Variants in CHD5 observed in about 807,000 individuals in gnomAD.
The protein encoded by CHD5 is ATP-dependent chromatin remodeler CHD5.
CHD5 carries 69 observed loss-of-function variants against 230.3 expected under a neutral mutation model. The observed-to-expected ratio is 0.30, with a 90% confidence interval of 0.25 to 0.37. The LOEUF is 0.37. Among genes scored for constraint, CHD5 ranks in the 10% least tolerant of loss-of-function variants. CHD5 has a pLI of 1.00. For synonymous variants in CHD5, 1,064 were observed against 1,065.9 expected (o/e 1.00, Z 0.03); for missense variants, 1,827 against 2,622.8 (o/e 0.70, Z 6.63).
intron 7 of CHD5, among the ~76,000 whole-genome samples, chr1:6,150,224 AATGG>A (rs1666981286): frequency 1.4e-5 from 2 of 146,298 alleles, no homozygotes; most frequent in African/African-American, 5.2e-5. Flanking sequence ...ATGAATGGAT[AATGG>A]ATGGACAAAT....
intron 3 of CHD5, among the ~76,000 whole-genome samples, chr1:6,158,347 A>G (rs1557558428): frequency 6.6e-6 from 1 of 152,256 alleles, no homozygotes; most frequent in Non-Finnish European, 1.5e-5. Flanking sequence ...CTGCTTGGGC[A>G]GGATTTCAGA....
In CHD5 at chr1:6,154,978, C is replaced by G. The variant is rs1667059055; in HGVS notation, c.507-80G>C. ...ACCCGACCCCCGGCAGGGCCCACCC[C>G]TCTGCCACATGTGCGATCTATGGCA... On this transcript the variant is annotated intron_variant, in intron 4 of 41. Transcript: ENST00000262450. This position sits in a 1 kb window ranked among gnomAD's most constrained non-coding sequence, Gnocchi z 7.0. The G allele has an allele frequency of 1.6e-6, 2 of 1,272,324 alleles. No individual in the cohort carries two copies. The highest frequency in any genetic ancestry group is 3.0e-5 in the African/African-American group (2 of 67,490). 78.8% of individuals were successfully genotyped at this position (1,272,324 alleles called of 1,614,324 possible).
intron 1 of CHD5, among the ~76,000 whole-genome samples, chr1:6,179,525 C>T (rs1667479627): frequency 6.6e-6 from 1 of 151,870 alleles, no homozygotes; most frequent in South Asian, 2.1e-4. Context: ...CGGGTCCCGC[C>T]TGCCCGCAGC....
At chr1:6,141,771 G>A (rs1342008040) in intron 15 of CHD5, among the ~76,000 whole-genome samples, 4 of 152,198 alleles carry the variant, frequency 2.6e-5, no homozygotes, top group African/African-American at 4.8e-5. Context: ...CGCGACAGCT[G>A]TAGGCCAGTG....
intron 33 of CHD5, among the ~76,000 whole-genome samples, chr1:6,120,736 C>T (rs969724920): frequency 6.6e-6 from 1 of 152,074 alleles, no homozygotes; most frequent in African/African-American, 2.4e-5. Flanking sequence ...AATCTCGTCT[C>T]TACTAAAAAT....
In CHD5 at chr1:6,105,708, G is replaced by A. The variant is rs113909809; in HGVS notation, c.*47-281C>T. Among the ~76,000 whole-genome samples, 22 of 152,338 alleles carry A rather than the reference G, an allele frequency of 1.4e-4. No homozygotes were observed. The highest frequency in any genetic ancestry group is 2.1e-4 in the Non-Finnish European group (14 of 68,028). Reference sequence around the variant, plus strand: ...CGGTTCCCACAGGGACAGACACAGCGTAGTGGAGGCTGGTGGCCCCAGAGA... The same window carrying A: ...CGGTTCCCACAGGGACAGACACAGCATAGTGGAGGCTGGTGGCCCCAGAGA... On this transcript the variant is annotated intron_variant, in intron 41 of 41. Transcript: ENST00000262450. This position sits in a 1 kb window ranked among gnomAD's most constrained non-coding sequence, Gnocchi z 4.8.
chr1:6,109,856 G>A lies in CHD5; in HGVS notation c.5517C>T (p.His1839=). Residue 1839 remains histidine, a synonymous_variant, in exon 38 of 42, where the codon CAC becomes CAT. Transcript: ENST00000262450. The stretch of plus-strand genomic sequence containing the variant: ...CAAGGGACTCCTTGGACAGGTGCTG[G>A]TGGCTCTCGGCGAGGCACTCCACTT... ...LAEVECLAES[H]QHLSKESLAG... 1 of 1,612,940 alleles carries A rather than the reference G, an allele frequency of 6.2e-7. No homozygotes were observed. The highest frequency in any genetic ancestry group is 2.2e-5 in the East Asian group (1 of 44,876).
Position 6,131,626 on chromosome 1 carries a change from G to C in CHD5, c.3262+5C>G. On this transcript the variant is annotated splice_donor_5th_base_variant and intron_variant, in intron 21 of 41. Transcript: ENST00000262450. This position sits in a 1 kb window ranked among gnomAD's most constrained non-coding sequence, Gnocchi z 5.0. ...AATCAGAACCCTTGGGCAGGATGGGGGTACCATTGAATCTGTCGATTGCCT... is the reference window on the plus strand; with the variant it reads ...AATCAGAACCCTTGGGCAGGATGGGCGTACCATTGAATCTGTCGATTGCCT... The C allele has an allele frequency of 6.5e-7, 1 of 1,537,786 alleles. No homozygotes were observed.
chr1:6,148,238 C>A (rs1048949088), intron 9 of CHD5, among the ~76,000 whole-genome samples: 1 of 152,146 alleles, frequency 6.6e-6, no homozygotes, highest in African/African-American at 2.4e-5. Context: ...AGCAAGGGGC[C>A]TTCCGATGTC....
Position 6,134,114 on chromosome 1 carries a change from C to A in CHD5, c.3144+14G>T. The A allele has an allele frequency of 1.2e-6, 2 of 1,608,074 alleles. No individual in the cohort carries two copies. The highest frequency in any genetic ancestry group is 1.7e-6 in the Non-Finnish European group (2 of 1,178,166). On this transcript the variant is annotated intron_variant, in intron 20 of 41. Transcript: ENST00000262450. The surrounding 1 kb of genome is among the most constrained non-coding windows in gnomAD (Gnocchi z 6.3). ...GGTGTGGAGCCGGGGCGGGGGTGGG[C>A]AGGGGCAGCGCACCTGGGAGAAGAT...
Position 6,103,850 on chromosome 1 carries a change from G to A in CHD5, c.*1624C>T, listed in dbSNP as rs986718866. ...TATGAGTGAGGCATATAGGGCTTAG[G>A]GAGGGCCAGGCAATCGCTCCAGTGT... On this transcript the variant is annotated 3_prime_UTR_variant, in exon 42 of 42. Transcript: ENST00000262450. The A allele has an allele frequency of 1.3e-5, 2 of 152,198 alleles. No homozygotes were observed. The highest frequency in any genetic ancestry group is 2.4e-5 in the African/African-American group (1 of 41,420). 9.4% of individuals were successfully genotyped at this position (152,198 alleles called of 1,614,324 possible).
In CHD5 at chr1:6,169,546, C is replaced by T. The variant is rs187365625; in HGVS notation, c.80-1269G>A. Among the ~76,000 whole-genome samples, 405 of 152,312 alleles carry T rather than the reference C, an allele frequency of 2.7e-3. 4 individuals carry two copies. Among genetic ancestry groups the T allele is most frequent in the African/African-American group, 9.2e-3 (382 of 41,564 alleles). ...GGGACGGCAGTAGCCTGGGGTCTGA[C>T]GCTCATCTGGGAAATCAGGATAGAG... On this transcript the variant is annotated intron_variant, in intron 1 of 41. Coordinates refer to ENST00000262450, the MANE Select transcript of CHD5 (RefSeq NM_015557.3).
At chr1:6,150,579 T>C (rs529174378) in intron 7 of CHD5, among the ~76,000 whole-genome samples, 1 of 150,848 alleles carries the variant, frequency 6.6e-6, no homozygotes, top group East Asian at 2.0e-4. Flanking sequence ...GGATGATGGA[T>C]GAATGGCTGG....
intron 37 of CHD5, 132 bp from the exon 38 acceptor site, chr1:6,110,122 C>T (rs1666261559): frequency 2.0e-6 from 2 of 982,884 alleles, no homozygotes; most frequent in Non-Finnish European, 2.9e-6. Flanking sequence ...ATCTGCTGCC[C>T]ACCCTGGCCT....
chr1:6,108,531 G>A (rs907467103), intron 38 of CHD5, among the ~76,000 whole-genome samples: 9 of 148,736 alleles, frequency 6.1e-5, no homozygotes, highest in African/African-American at 1.7e-4. Flanking sequence ...AAGGGATGAC[G>A]GAGAGATGGA....
At chr1:6,175,030 T>TGATG (rs1467602683) in intron 1 of CHD5, among the ~76,000 whole-genome samples, 1 of 144,394 alleles carries the variant, frequency 6.9e-6, no homozygotes, top group East Asian at 2.1e-4. Flanking sequence ...AATGGATGGA[T>TGATG]GATGGATGGA....
rs1257770614 is a variant in CHD5 at position 6,121,917 on chromosome 1, G to A, written c.4700-344C>T. On this transcript the variant is annotated intron_variant, in intron 31 of 41. Coordinates refer to ENST00000262450, the MANE Select transcript of CHD5 (RefSeq NM_015557.3). This position sits in a 1 kb window ranked among gnomAD's most constrained non-coding sequence, Gnocchi z 4.5. ...GACACCCGCTCTGGTCCCAGCTTTCGGGCGGGCTGGCTGGTGTGTGCCTCT... is the reference window on the plus strand; with the variant it reads ...GACACCCGCTCTGGTCCCAGCTTTCAGGCGGGCTGGCTGGTGTGTGCCTCT... Among the ~76,000 whole-genome samples the A allele has an allele frequency of 1.3e-5, 2 of 152,316 alleles. No individual in the cohort carries two copies. The highest frequency in any genetic ancestry group is 1.9e-4 in the East Asian group (1 of 5,178).
chr1:6,121,140 T>A lies in CHD5; in HGVS notation c.4877A>T (p.Glu1626Val). Residue 1626 changes from glutamate (E) to valine (V), a missense_variant, in exon 33 of 42, where the codon GAG becomes GTG. Around this residue, in one of 14 missense-constraint regions of CHD5, gnomAD observed 272 missense variants for 263.2 expected, o/e 1.03. Transcript: ENST00000262450. This position sits in a 1 kb window ranked among gnomAD's most constrained non-coding sequence, Gnocchi z 4.5. ...CTGCTCCGGGGAGGGCGGGGCCTTC[T>A]CCGTCTCCTCTGGCCGCTCCTCTCG... ...RAREERPEET[E>V]KAPPSPEQLP... is the part of the protein sequence containing the mutation. 1 of 1,612,418 alleles carries A rather than the reference T, an allele frequency of 6.2e-7. No individual in the cohort carries two copies. Among genetic ancestry groups the A allele is most frequent in the Non-Finnish European group, 8.5e-7 (1 of 1,179,358 alleles).
chr1:6,175,114 G>T (rs184123573), intron 1 of CHD5, among the ~76,000 whole-genome samples: 4 of 151,458 alleles, frequency 2.6e-5, no homozygotes, highest in Non-Finnish European at 5.9e-5. Context: ...GTGGATTGAT[G>T]AATAGATGGA....
Sources: allele counts gnomAD v4.1 joint callset (sites outside exome capture counted in the v4.1 genomes callset), GRCh38; gene constraint gnomAD v4.1.1; regional missense constraint gnomAD v4.1.1; non-coding constraint Gnocchi (gnomAD v3.1); transcripts MANE v1.5; gene names NCBI Gene and HGNC (gene_info 2026-07-23, HGNC 2026-07-21).